Variants in NKAIN2 observed in about 807,000 individuals in gnomAD.
NKAIN2 encodes the protein sodium/potassium-transporting ATPase subunit beta-1-interacting protein 2.
NKAIN2 carries 14 observed loss-of-function variants against 32.6 expected under a neutral mutation model. That is an observed-to-expected ratio of 0.43 (90% CI 0.28 to 0.67). The LOEUF (loss-of-function observed/expected upper bound fraction) is 0.67, where lower values mean the gene tolerates loss of function less well. Ranked by LOEUF, NKAIN2 falls within the 30% of genes least tolerant of loss-of-function variation. The pLI is 0.17. For synonymous variants in NKAIN2, 80 were observed against 87.2 expected, an observed-to-expected ratio of 0.92 and a Z score of 0.46; for missense variants, 198 against 258.3, an observed-to-expected ratio of 0.77 and a Z score of 1.60.
chr6:124,413,515 A>T (rs886515485), intron 3 of NKAIN2, among the ~76,000 whole-genome samples: 3 of 152,104 alleles, frequency 2.0e-5, no homozygotes, highest in African/African-American at 7.2e-5. Context: ...TTTTTCAAAG[A>T]TGTTTTGGTG....
intron 3 of NKAIN2, among the ~76,000 whole-genome samples, chr6:124,463,109 G>T (rs1317581578): frequency 6.6e-6 from 1 of 151,974 alleles, no homozygotes; most frequent in Non-Finnish European, 1.5e-5. Context: ...TCAAAAGGAA[G>T]AAATTTTTAG....
At chr6:124,580,768 T>C (rs1234382489) in intron 3 of NKAIN2, among the ~76,000 whole-genome samples, 1 of 152,038 alleles carries the variant, frequency 6.6e-6, no homozygotes, top group Non-Finnish European at 1.5e-5. Context: ...TAGAAACACA[T>C]TTTACCTATA....
At chr6:124,809,803 C>T (rs1780794578) in intron 5 of NKAIN2, among the ~76,000 whole-genome samples, 1 of 152,012 alleles carries the variant, frequency 6.6e-6, no homozygotes, top group Non-Finnish European at 1.5e-5. Context: ...AACAAACAAC[C>T]CCATCAAAAA....
intron 1 of NKAIN2, among the ~76,000 whole-genome samples, chr6:123,827,572 C>G (rs1774199647): frequency 6.6e-6 from 1 of 152,092 alleles, no homozygotes; most frequent in Non-Finnish European, 1.5e-5. Flanking sequence ...CACATCAAAT[C>G]TCTTCAAGAA....
At chr6:124,752,541 ATG>A (rs138478641) in intron 4 of NKAIN2, among the ~76,000 whole-genome samples, 75 of 148,378 alleles carry the variant, frequency 5.1e-4, no homozygotes, top group South Asian at 1.5e-3. Context: ...ATATGTGGGT[ATG>A]TGTGTGTGTG....
chr6:124,190,791 G>A (rs970195903), intron 1 of NKAIN2, among the ~76,000 whole-genome samples: 1 of 152,074 alleles, frequency 6.6e-6, no homozygotes, highest in Non-Finnish European at 1.5e-5. Flanking sequence ...CCCCTACCAT[G>A]CCAACTCCAC....
At chr6:124,205,131 A>G (rs1006158593) in intron 1 of NKAIN2, among the ~76,000 whole-genome samples, 8 of 151,828 alleles carry the variant, frequency 5.3e-5, no homozygotes, top group Non-Finnish European at 1.2e-4. Flanking sequence ...GTTCATTTGA[A>G]TATTTCCCAA....
At chr6:124,032,232 T>A (rs1582961450) in intron 1 of NKAIN2, among the ~76,000 whole-genome samples, 3 of 118,256 alleles carry the variant, frequency 2.5e-5, no homozygotes, top group South Asian at 2.8e-4. Flanking sequence ...GGATACAGGA[T>A]GGGGAACATC....
At chr6:124,657,286 CT>C (rs1340600657) in intron 3 of NKAIN2, among the ~76,000 whole-genome samples, 1 of 152,124 alleles carries the variant, frequency 6.6e-6, no homozygotes, top group Non-Finnish European at 1.5e-5. Context: ...CATAACTGAC[CT>C]TTTTTTCTTA....
chr6:124,125,711 C>A (rs1007036666), intron 1 of NKAIN2, among the ~76,000 whole-genome samples: 1 of 152,138 alleles, frequency 6.6e-6, no homozygotes, highest in Non-Finnish European at 1.5e-5. Flanking sequence ...GCTCTAGAAC[C>A]TTTTACAGAA....
In NKAIN2 at chr6:123,883,637, T is replaced by TTTTTAAAAAAAAATTTTTTTTAAAA. The variant is rs1162364517; in HGVS notation, c.54+79394_54+79418dup. Among the ~76,000 whole-genome samples, 13 of 114,392 alleles carry TTTTTAAAAAAAAATTTTTTTTAAAA rather than the reference T, an allele frequency of 1.1e-4. 1 individual carries two copies. The highest frequency in any genetic ancestry group is 3.6e-4 in the African/African-American group (12 of 33,122). 75.0% of individuals were successfully genotyped at this position (114,392 alleles called of 152,430 possible). Reference sequence around the variant, plus strand: ...AGAACCACTAGCCAATTAAACCTCTTTTTTAAAAAAAAATTTTTTTTAAAA... The same window carrying TTTTTAAAAAAAAATTTTTTTTAAAA: ...AGAACCACTAGCCAATTAAACCTCTTTTTTAAAAAAAAATTTTTTTTAAAATTTTAAAAAAAAATTTTTTTTAAAA... On this transcript the variant is annotated intron_variant, in intron 1 of 6. Transcript: ENST00000368417.
At chr6:124,340,650 T>C (rs1426939990) in intron 2 of NKAIN2, among the ~76,000 whole-genome samples, 1 of 152,198 alleles carries the variant, frequency 6.6e-6, no homozygotes, top group Non-Finnish European at 1.5e-5. Flanking sequence ...TCTGTTCCTG[T>C]GTTAGTTTGC....
Position 124,199,790 on chromosome 6 carries a change from G to A in NKAIN2, c.55-83215G>A, listed in dbSNP as rs1214601959. On this transcript the variant is annotated intron_variant, in intron 1 of 6. Transcript: ENST00000368417. ...ATGTTTTCAGTATAATCAAAGCAAA[G>A]GATTATTTTGACTAAATTGCCAAAC... 6.6e-5 allele frequency among the ~76,000 whole-genome samples: 10 copies of A among 152,202 alleles called. No individual in the cohort carries two copies. The East Asian group carries it at 1.9e-3, about 29-fold the overall frequency.
chr6:124,802,840 C>G (rs1780326102), intron 5 of NKAIN2, among the ~76,000 whole-genome samples: 1 of 152,194 alleles, frequency 6.6e-6, no homozygotes, highest in South Asian at 2.1e-4. Context: ...CTATGTTTTT[C>G]TCATGCTTTG....
chr6:124,184,045 G>T (rs1388944889), intron 1 of NKAIN2, among the ~76,000 whole-genome samples: 2 of 151,998 alleles, frequency 1.3e-5, no homozygotes, highest in African/African-American at 4.8e-5. Context: ...GTAAGAAATG[G>T]CCAGATGCTC....
At chr6:123,837,727 T>G (rs1463916899) in intron 1 of NKAIN2, among the ~76,000 whole-genome samples, 1 of 152,158 alleles carries the variant, frequency 6.6e-6, no homozygotes, top group African/African-American at 2.4e-5. Context: ...TCTTTCTGAT[T>G]TTTTTTTCTG....
chr6:124,615,341 G>A (rs1163486609), intron 3 of NKAIN2, among the ~76,000 whole-genome samples: 3 of 152,146 alleles, frequency 2.0e-5, no homozygotes, highest in Non-Finnish European at 4.4e-5. Context: ...TTGATTTGTA[G>A]TTTGATGCCA....
At chr6:123,838,270 T>C (rs1410398975) in intron 1 of NKAIN2, among the ~76,000 whole-genome samples, 2 of 152,136 alleles carry the variant, frequency 1.3e-5, no homozygotes, top group Admixed American at 1.3e-4. Flanking sequence ...CCTTTTAGTT[T>C]CTAATATACA....
intron 3 of NKAIN2, among the ~76,000 whole-genome samples, chr6:124,365,195 A>C (rs1163560927): frequency 6.6e-6 from 1 of 151,794 alleles, no homozygotes; most frequent in Non-Finnish European, 1.5e-5. Flanking sequence ...TATATCAATA[A>C]ATATATTAAA....
Sources: allele counts gnomAD v4.1 joint callset (sites outside exome capture counted in the v4.1 genomes callset), GRCh38; gene constraint gnomAD v4.1.1; transcripts MANE v1.5; gene names NCBI Gene and HGNC (gene_info 2026-07-23, HGNC 2026-07-21).